Variants in DDX52 observed in about 807,000 individuals in gnomAD.
The protein encoded by DDX52 is DExD-box helicase 52, also known as probable ATP-dependent RNA helicase DDX52.
A neutral mutation model predicts 76.1 loss-of-function variants in DDX52; 59 were observed. The ratio of observed to expected loss-of-function variants is 0.78; its 90% confidence interval spans 0.63 to 0.96. The LOEUF (loss-of-function observed/expected upper bound fraction) is 0.96. Ranked by LOEUF, DDX52 falls within the 40% of genes least tolerant of loss-of-function variation. DDX52 has a pLI of 0.00. For synonymous variants in DDX52, 231 were observed against 244.1 expected (o/e 0.95, Z 0.50); for missense variants, 707 against 703.9 (o/e 1.00, Z -0.05).
At chr17:37,626,180 T>C (rs765447309) in intron 7 of DDX52, 82 bp from the exon 8 acceptor site, 48 of 1,443,482 alleles carry the variant, frequency 3.3e-5, no homozygotes, top group East Asian at 1.2e-4. Flanking sequence ...AGTGGACACA[T>C]GAGGAAGTCA....
intron 13 of DDX52, among the ~76,000 whole-genome samples, chr17:37,618,950 C>T (rs951355683): frequency 2.0e-5 from 3 of 152,218 alleles, no homozygotes; most frequent in Admixed American, 6.5e-5. Flanking sequence ...CCTGTGCCAA[C>T]CTTATATCCT....
rs79331018 is a variant in DDX52, at chr17:37,631,648, G to A, written c.603+465C>T. The A allele has an allele frequency of 2.5e-3, 399 of 158,098 alleles. 2 individuals carry two copies. The highest frequency in any genetic ancestry group is 9.2e-3 in the African/African-American group (382 of 41,588). 9.8% of individuals were successfully genotyped at this position (158,098 alleles called of 1,614,324 possible). A position where few individuals can be genotyped will look rare whatever the true frequency, so the allele number is the denominator to read the frequency against. The stretch of plus-strand genomic sequence containing the variant: ...TATACTTTAATAATAAAAAGTATTC[G>A]GAAAAATAAGTCAGTTTATGTACAA... On this transcript the variant is annotated intron_variant, in intron 4 of 14. Transcript: ENST00000617633.
rs150286359 is a variant in DDX52, at chr17:37,633,344, C to G, written c.361G>C (p.Val121Leu). 269 of 1,611,926 alleles carry G rather than the reference C, an allele frequency of 1.7e-4. No individual in the cohort carries two copies. Among genetic ancestry groups the G allele is most frequent in the Middle Eastern group, 1.4e-3 (8 of 5,894 alleles). ...SVEAKIEDKK[V>L]QRESKLTSGK... ...GAAGTTAGTTTACTTTCTCTCTGAA[C>G]TTTTTTGTCTTCAATCTTTGCTTCT... Residue 121 changes from valine (V) to leucine (L), a missense_variant, in exon 3 of 15, where the codon GTT becomes CTT. Physicochemically the swap from Val to Leu is conservative, Grantham distance 32. Transcript: ENST00000617633.
intron 4 of DDX52, chr17:37,631,020 A>G (rs539733887): frequency 2.6e-4 from 39 of 152,262 alleles, no homozygotes; most frequent in African/African-American, 8.9e-4. Context: ...TTACTATAAC[A>G]TAAGTCAACA....
intron 8 of DDX52, 100 bp downstream of exon 8, chr17:37,625,795 T>C: frequency 2.3e-6 from 3 of 1,286,382 alleles, no homozygotes; most frequent in Non-Finnish European, 3.3e-6. Context: ...CTCTCTCCCT[T>C]GCTAGTCTCA....
At position 37,628,645 on chromosome 17, in the gene DDX52, C is replaced by T; in HGVS notation, c.775G>A (p.Glu259Lys). 1 of 1,600,884 alleles carries T rather than the reference C, an allele frequency of 6.2e-7. No individual in the cohort carries two copies. Among genetic ancestry groups the T allele is most frequent in the South Asian group, 1.1e-5 (1 of 87,026 alleles). Residue 259 changes from glutamate to lysine, a missense_variant, in exon 6 of 15, where the codon GAG (glutamate) becomes AAG (lysine). By Grantham distance (56) the Glu-to-Lys change is moderately conservative. Coordinates refer to ENST00000617633, the MANE Select transcript of DDX52 (RefSeq NM_007010.5). ...QIHRELIKISEGTGFRIHMIH... is the reference protein window; with the variant it reads ...QIHRELIKISKGTGFRIHMIH... ...ATGTGTATTCTGAATCCTGTTCCCT[C>T]AGAAATTTTTATTAACTCTCTGTGA...
intron 5 of DDX52, 107 bp downstream of exon 5, chr17:37,629,923 A>G: frequency 6.8e-7 from 1 of 1,466,836 alleles, no homozygotes; most frequent in Middle Eastern, 1.8e-4. Flanking sequence ...CTTGACCATG[A>G]CAGAAGACGT....
chr17:37,627,770 T>TC (rs2030463768), intron 6 of DDX52, among the ~76,000 whole-genome samples: 1 of 151,352 alleles, frequency 6.6e-6, no homozygotes, highest in East Asian at 1.9e-4. Context: ...TGTAAGCCGT[T>TC]CTTTTTGTTT....
chr17:37,625,032 A>T (rs1371436309), intron 8 of DDX52, among the ~76,000 whole-genome samples: 1 of 151,890 alleles, frequency 6.6e-6, no homozygotes, highest in Non-Finnish European at 1.5e-5. Flanking sequence ...TCAAGATGGA[A>T]TCTCACTCTG....
At chr17:37,625,158 C>A (rs1361580052) in intron 8 of DDX52, among the ~76,000 whole-genome samples, 1 of 151,788 alleles carries the variant, frequency 6.6e-6, no homozygotes, top group Non-Finnish European at 1.5e-5. Flanking sequence ...GGCACACACC[C>A]ATTTTTGTAT....
intron 7 of DDX52, among the ~76,000 whole-genome samples, 197 bp downstream of exon 7, chr17:37,626,591 T>C (rs1184415723): frequency 6.6e-6 from 1 of 151,772 alleles, no homozygotes; most frequent in East Asian, 1.9e-4. Context: ...TTAATGTACC[T>C]ATTCCAATAG....
At chr17:37,636,903 A>G (rs1238794382) in intron 2 of DDX52, among the ~76,000 whole-genome samples, 2 of 152,232 alleles carry the variant, frequency 1.3e-5, no homozygotes, top group Non-Finnish European at 2.9e-5. Context: ...ATCTGAGTGT[A>G]TATAACCAAT....
intron 14 of DDX52, among the ~76,000 whole-genome samples, chr17:37,615,487 G>A (rs1055955302): frequency 7.2e-5 from 11 of 152,072 alleles, no homozygotes; most frequent in African/African-American, 2.7e-4. Flanking sequence ...AGACCAGCCT[G>A]GGCAATATGG....
In DDX52 at chr17:37,630,179, A is replaced by C; in HGVS notation, c.604-6T>G. 1 of 1,601,460 alleles carries C rather than the reference A, an allele frequency of 6.2e-7. No homozygotes were observed. ...GAAGCCAGAAGTTCCCGACCCTAAA[A>C]ACATAGGGTATATTAAATACTACAA... On this transcript the variant is annotated splice_region_variant and splice_polypyrimidine_tract_variant and intron_variant, in intron 4 of 14. Transcript: ENST00000617633.
rs2064391832 is a variant in DDX52 at position 37,613,581 on chromosome 17, A to C, written c.*715T>G. The C allele has an allele frequency of 6.6e-6, 1 of 152,240 alleles. No individual in the cohort carries two copies. The highest frequency in any genetic ancestry group is 1.5e-5 in the Non-Finnish European group (1 of 68,046). 9.4% of individuals were successfully genotyped at this position (152,240 alleles called of 1,614,324 possible). On this transcript the variant is annotated 3_prime_UTR_variant, in exon 15 of 15. Coordinates refer to ENST00000617633, the MANE Select transcript of DDX52 (RefSeq NM_007010.5). The stretch of plus-strand genomic sequence containing the variant: ...GGATACTTAATAGACCAAAGAATTT[A>C]AAATCCCAGGGAACTGGAATAACCA...
At chr17:37,628,142 T>C (rs897595903) in intron 6 of DDX52, among the ~76,000 whole-genome samples, 5 of 152,110 alleles carry the variant, frequency 3.3e-5, no homozygotes, top group African/African-American at 1.2e-4. Context: ...TAAAAATCAA[T>C]GGTATAAATC....
intron 12 of DDX52, chr17:37,620,229 A>T (rs1292345960): frequency 5.4e-6 from 1 of 184,860 alleles, no homozygotes; most frequent in Non-Finnish European, 1.1e-5. Flanking sequence ...CTTCACAACA[A>T]GCCTGTGTTG....
chr17:37,621,206 T>A lies in DDX52; in HGVS notation c.1422A>T (p.Arg474Ser). The A allele has an allele frequency of 6.2e-7, 1 of 1,614,084 alleles. No individual in the cohort carries two copies. Among genetic ancestry groups the A allele is most frequent in the Non-Finnish European group, 8.5e-7 (1 of 1,179,982 alleles). The change falls in exon 11 of 15, where the codon AGA becomes AGT. Residue 474 changes from arginine (R) to serine (S), a missense_variant. Coordinates refer to ENST00000617633, the MANE Select transcript of DDX52 (RefSeq NM_007010.5). ...WVLICTALLA[R>S]GIDFKGVNLV... ...AGTTCACACCTTTAAAATCAATCCC[T>A]CTTGCTAGCAAGGCTGTACAAATCA... is the stretch of plus-strand genomic sequence containing the variant.
chr17:37,621,324 A>G (rs1206931380), intron 10 of DDX52, 47 bp from the exon 11 acceptor site: 6 of 1,593,752 alleles, frequency 3.8e-6, no homozygotes, highest in Admixed American at 1.8e-5. Context: ...GAAAACAGGT[A>G]CTTCATAAAT....
Sources: allele counts gnomAD v4.1 joint callset (sites outside exome capture counted in the v4.1 genomes callset), GRCh38; gene constraint gnomAD v4.1.1; transcripts MANE v1.5; gene names NCBI Gene and HGNC (gene_info 2026-07-23, HGNC 2026-07-21).